The following INPP4A variants were observed in gnomAD, a reference collection of about 807,000 sequenced individuals.
INPP4A encodes inositol polyphosphate-4-phosphatase, type I, 107kD.
A neutral mutation model predicts 119.8 loss-of-function variants in INPP4A; 33 were observed. That is an observed-to-expected ratio of 0.28 (90% CI 0.21 to 0.37). INPP4A has a LOEUF of 0.37. INPP4A is among the 10% of genes least tolerant of loss of function. INPP4A has a pLI of 1.00. For synonymous variants in INPP4A, 496 were observed against 500.7 expected (o/e 0.99, Z 0.12); for missense variants, 956 against 1,289.9 (o/e 0.74, Z 3.97).
At chr2:98,481,429 A>G (rs1275415823) in intron 1 of INPP4A, among the ~76,000 whole-genome samples, 1 of 152,166 alleles carries the variant, frequency 6.6e-6, no homozygotes, top group Non-Finnish European at 1.5e-5. Flanking sequence ...TCGCTCCTCC[A>G]GTTTTATTCT....
In INPP4A at chr2:98,466,555, C is replaced by G. The variant is rs190348621; in HGVS notation, c.-166+21470C>G. ...CTTGAATGATAAGTGTCTGTCATCC[C>G]ATTTTACCCGTGAGAGAATTGCGGC... is the stretch of plus-strand genomic sequence containing the variant. On this transcript the variant is annotated intron_variant, in intron 1 of 24. Coordinates refer to ENST00000409851, the MANE Select transcript of INPP4A (RefSeq NM_001134225.2). 2.0e-3 allele frequency among the ~76,000 whole-genome samples: 312 copies of G among 152,332 alleles called. 1 individual carries two copies. The highest frequency in any genetic ancestry group is 7.0e-3 in the African/African-American group (293 of 41,570).
chr2:98,583,068 A>T (rs941385078), intron 24 of INPP4A, among the ~76,000 whole-genome samples: 1 of 152,258 alleles, frequency 6.6e-6, no homozygotes, highest in Non-Finnish European at 1.5e-5. Context: ...CACCTACTGC[A>T]TACGCCAGAC....
intron 4 of INPP4A, 101 bp downstream of exon 4, chr2:98,520,832 C>CA: frequency 1.5e-6 from 1 of 651,894 alleles, no homozygotes; most frequent in Non-Finnish European, 2.6e-6. Flanking sequence ...AGAGAGCTTG[C>CA]TGCTGCTGCC....
At chr2:98,487,432 A>C (rs111548963) in intron 1 of INPP4A, among the ~76,000 whole-genome samples, 1 of 152,104 alleles carries the variant, frequency 6.6e-6, no homozygotes, top group Non-Finnish European at 1.5e-5. Flanking sequence ...AGGTCTTGCT[A>C]TGTTGCCTAC....
At position 98,573,554 on chromosome 2, in the gene INPP4A, G is replaced by C. The variant is rs143376515; in HGVS notation, c.2631+627G>C. Among the ~76,000 whole-genome samples the C allele has an allele frequency of 1.3e-4, 20 of 152,320 alleles. 2 individuals are homozygous for C. In the South Asian group the frequency reaches 3.9e-3, roughly 30 times the overall value. On this transcript the variant is annotated intron_variant, in intron 23 of 24. Coordinates refer to ENST00000409851, the MANE Select transcript of INPP4A (RefSeq NM_001134225.2). Reference sequence around the variant, plus strand: ...CGCTCCCTGCCTGGGCCTGAGGAGAGGGATGGTGAGCCCAGGAGGGAGGTG... The same window carrying C: ...CGCTCCCTGCCTGGGCCTGAGGAGACGGATGGTGAGCCCAGGAGGGAGGTG...
chr2:98,518,186 C>G (rs1686513741), intron 1 of INPP4A, among the ~76,000 whole-genome samples: 1 of 152,226 alleles, frequency 6.6e-6, no homozygotes, highest in African/African-American at 2.4e-5. Context: ...CACATTGCTT[C>G]ACTTGTGTGC....
intron 1 of INPP4A, among the ~76,000 whole-genome samples, chr2:98,448,673 G>A (rs1694685801): frequency 6.6e-6 from 1 of 150,636 alleles, no homozygotes; most frequent in Non-Finnish European, 1.5e-5. Flanking sequence ...GCACAAGGTT[G>A]AAGCAGTTGT....
intron 1 of INPP4A, among the ~76,000 whole-genome samples, chr2:98,464,207 G>C (rs1674242143): frequency 6.6e-6 from 1 of 152,278 alleles, no homozygotes; most frequent in Admixed American, 6.5e-5. Context: ...GGACAGCACA[G>C]CCCTGAGTCT....
Position 98,519,954 on chromosome 2 carries a change from C to G in INPP4A, c.-95C>G. The G allele has an allele frequency of 2.2e-6, 2 of 925,752 alleles. No homozygotes were observed. 57.3% of individuals were successfully genotyped at this position (925,752 alleles called of 1,614,324 possible). A position where few individuals can be genotyped will look rare whatever the true frequency, so the allele number is the denominator to read the frequency against. ...AGTGCTCCTTTTCTCAGGGCTACTG[C>G]CACTTTAGTGGACTAGGGCTCGGTG... On this transcript the variant is annotated 5_prime_UTR_variant, in exon 3 of 25. Transcript: ENST00000409851.
At chr2:98,580,071 G>A (rs1427042556) in intron 24 of INPP4A, among the ~76,000 whole-genome samples, 1 of 152,368 alleles carries the variant, frequency 6.6e-6, no homozygotes, top group South Asian at 2.1e-4. Context: ...GCTGCAAGCC[G>A]AGGTGGCTGG....
At chr2:98,472,872 C>T (rs902073185) in intron 1 of INPP4A, among the ~76,000 whole-genome samples, 2 of 152,230 alleles carry the variant, frequency 1.3e-5, no homozygotes, top group Non-Finnish European at 2.9e-5. Flanking sequence ...ATGAGGTGCT[C>T]TTTCCTGCTG....
At chr2:98,527,540 GT>G (rs1350141391) in intron 4 of INPP4A, among the ~76,000 whole-genome samples, 4 of 152,234 alleles carry the variant, frequency 2.6e-5, no homozygotes, top group Admixed American at 1.3e-4. Context: ...TCAAAGGCCA[GT>G]GAAGGGCTGT....
intron 1 of INPP4A, among the ~76,000 whole-genome samples, chr2:98,462,036 G>C (rs1697255523): frequency 6.6e-6 from 1 of 152,248 alleles, no homozygotes; most frequent in Non-Finnish European, 1.5e-5. Context: ...GGTGGGGTTA[G>C]ACGACGTGTT....
At position 98,587,763 on chromosome 2, in the gene INPP4A, T is replaced by C; in HGVS notation, c.*155T>C. The C allele has an allele frequency of 4.7e-6, 3 of 641,272 alleles. No individual in the cohort carries two copies. Among genetic ancestry groups the C allele is most frequent in the Non-Finnish European group, 7.4e-6 (3 of 403,954 alleles). The allele number at this position is 641,272 out of a possible 1,614,324, so 39.7% of individuals were successfully genotyped here. ...ACTAAAGAGTCTCTGGAGCATGTTT[T>C]TTGTTTTTTGGGTTTTTTTCCCCAT... On this transcript the variant is annotated 3_prime_UTR_variant, in exon 25 of 25. Transcript: ENST00000409851.
At chr2:98,448,749 C>A (rs903994496) in intron 1 of INPP4A, among the ~76,000 whole-genome samples, 1 of 146,694 alleles carries the variant, frequency 6.8e-6, no homozygotes, top group African/African-American at 2.5e-5. Context: ...GGTCTCCCTT[C>A]GTTGGAGTGC....
intron 1 of INPP4A, among the ~76,000 whole-genome samples, chr2:98,511,646 C>T (rs1333948933): frequency 1.3e-5 from 2 of 152,130 alleles, no homozygotes; most frequent in South Asian, 2.1e-4. Flanking sequence ...CCCTGGGAGT[C>T]CAGGGTCCAC....
chr2:98,538,183 C>T (rs113823066), intron 8 of INPP4A, among the ~76,000 whole-genome samples: 1,664 of 152,316 alleles, frequency 0.011, 50 homozygotes, highest in African/African-American at 0.038. Flanking sequence ...GCCCTGGAGC[C>T]GGCTTCTGTT....
chr2:98,539,014 C>G (rs1054246011), intron 9 of INPP4A, 33 bp downstream of exon 9: 2 of 1,359,294 alleles, frequency 1.5e-6, no homozygotes, highest in African/African-American at 1.4e-5. Context: ...ATTCTTGCCT[C>G]TCTAGTGAGT....
chr2:98,561,027 C>T (rs757596707), intron 17 of INPP4A, among the ~76,000 whole-genome samples: 3 of 152,166 alleles, frequency 2.0e-5, no homozygotes, highest in Non-Finnish European at 4.4e-5. Context: ...GTTCTTTTGG[C>T]TTTTCCTGGA....
Sources: gnomAD v4.1 joint callset for allele counts (sites outside exome capture counted in the v4.1 genomes callset) on GRCh38, gnomAD v4.1.1 for gene constraint, MANE v1.5 for transcripts, NCBI Gene and HGNC (gene_info 2026-07-23, HGNC 2026-07-21) for gene names.